The following TBC1D10C variants were observed in gnomAD, a reference collection of about 807,000 sequenced individuals.
The protein encoded by TBC1D10C is carabin.
In TBC1D10C, 49 loss-of-function variants were observed where a neutral mutation model predicts 51.0. The observed-to-expected ratio is 0.96, with a 90% CI of 0.76 to 1.22. The LOEUF is 1.22. TBC1D10C is among the 50% of genes most tolerant of loss of function. The pLI, the probability that TBC1D10C is intolerant of heterozygous loss-of-function variation, is 0.00. For synonymous variants in TBC1D10C, 281 were observed against 266.7 expected, an observed-to-expected ratio of 1.05 and a Z score of -0.52; for missense variants, 541 against 617.5, an observed-to-expected ratio of 0.88 and a Z score of 1.31.
chr11:67,407,138 G>A lies in TBC1D10C; in HGVS notation c.838+122G>A, dbSNP rs1010258298. ...CAGGACTGGGTGTGCCGAAGGTGAT[G>A]GCCTGGTGCCTGGCGCTACATCACC... On this transcript the variant is annotated intron_variant, in intron 7 of 8. Transcript: ENST00000542590. 5.1e-6 allele frequency: 6 copies of A among 1,182,180 alleles called. No homozygotes were observed. In the Admixed American group the frequency reaches 1.2e-4, roughly 24 times the overall value. 73.2% of individuals were successfully genotyped at this position (1,182,180 alleles called of 1,614,324 possible). A position where few individuals can be genotyped will look rare whatever the true frequency, so the allele number is the denominator to read the frequency against.
chr11:67,404,166 A>G lies in TBC1D10C; in HGVS notation c.-37A>G. On this transcript the variant is annotated 5_prime_UTR_variant, in exon 1 of 9. Transcript: ENST00000542590. ...GTGGCCCCTCACACTGGTTCTCCCCACTTTCTCTGCCTGTGGCATCGAAGG... is the reference window on the plus strand; with the variant it reads ...GTGGCCCCTCACACTGGTTCTCCCCGCTTTCTCTGCCTGTGGCATCGAAGG... The G allele has an allele frequency of 6.8e-7, 1 of 1,460,164 alleles. No individual in the cohort carries two copies. The highest frequency in any genetic ancestry group is 9.1e-7 in the Non-Finnish European group (1 of 1,103,146). 90.5% of individuals were successfully genotyped at this position (1,460,164 alleles called of 1,614,324 possible).
rs761046602 is a variant in TBC1D10C at position 67,406,883 on chromosome 11, G to A, written c.705G>A (p.Pro235=). 14 of 1,610,488 alleles carry A rather than the reference G, an allele frequency of 8.7e-6. No individual in the cohort carries two copies. Among genetic ancestry groups the A allele is most frequent in the African/African-American group, 4.0e-5 (3 of 74,902 alleles). Residue 235 remains proline, a synonymous_variant, in exon 7 of 9, where the codon CCG becomes CCA. Transcript: ENST00000542590. ...VFMALLRRLL[P]HVHKHLQQVG... is the part of the protein sequence containing the mutation. ...TGGCCCTGCTGCGGCGGCTGCTTCCGCACGTGCACAAGCACCTGCAGCAGG... is the reference window on the plus strand; with the variant it reads ...TGGCCCTGCTGCGGCGGCTGCTTCCACACGTGCACAAGCACCTGCAGCAGG...
chr11:67,409,346 C>T, intron 8 of TBC1D10C, 61 bp from the exon 9 acceptor site: 1 of 1,507,186 alleles, frequency 6.6e-7, no homozygotes, highest in Non-Finnish European at 8.9e-7. Flanking sequence ...GGCTGGGGAC[C>T]TCACAGTTTC....
At chr11:67,408,317 G>A (rs900041263) in intron 7 of TBC1D10C, 1 of 152,348 alleles carries the variant, frequency 6.6e-6, no homozygotes, top group African/African-American at 2.4e-5. Context: ...GGCTCCACCT[G>A]ACCTTTCATC....
chr11:67,404,819 CCT>C (rs1863074264), intron 1 of TBC1D10C: 1 of 465,772 alleles, frequency 2.1e-6, no homozygotes, highest in African/African-American at 2.0e-5. Context: ...TGTCTGTGTC[CCT>C]GTCCTGGGTG....
At position 67,405,113 on chromosome 11, in the gene TBC1D10C, C is replaced by A; in HGVS notation, c.181C>A (p.Arg61Ser). The change falls in exon 2 of 9, where the codon CGC becomes AGC. Residue 61 changes from arginine (R) to serine (S), a missense_variant. Physicochemically the swap from Arg to Ser is moderately radical, Grantham distance 110 (BLOSUM62 -1). Transcript: ENST00000542590. ...GPGHPPADLI[R>S]QREMKWVEMT... The stretch of plus-strand genomic sequence containing the variant: ...GGGCCACCCACCTGCAGACCTCATC[C>A]GCCAACGGGAGATGAAGTGGGTGGA... The A allele has an allele frequency of 6.4e-7, 1 of 1,551,408 alleles. No homozygotes were observed. The highest frequency in any genetic ancestry group is 8.7e-7 in the Non-Finnish European group (1 of 1,146,940).
In TBC1D10C at chr11:67,404,357, A is replaced by AAGGG; in HGVS notation, c.152+4_152+7dup. 6.4e-7 allele frequency: 1 copy of AAGGG among 1,570,106 alleles called. No homozygotes were observed. The highest frequency in any genetic ancestry group is 1.1e-5 in the South Asian group (1 of 88,866). ...GGGGGCAGCTCAGCAGAGCCAGGGT[A>AAGGG]AGGGGGCAGGGTGAGGGCTGGCGGA... On this transcript the variant is annotated splice_donor_region_variant and intron_variant, in intron 1 of 8. Transcript: ENST00000542590.
chr11:67,406,135 A>C (rs921870907), intron 5 of TBC1D10C, 118 bp downstream of exon 5: 18 of 852,130 alleles, frequency 2.1e-5, no homozygotes, highest in Non-Finnish European at 2.8e-5. Context: ...TGTCCTAGTG[A>C]CCCAGGTCCT....
In TBC1D10C at chr11:67,405,846, G is replaced by A. The variant is rs1293795755; in HGVS notation, c.468-57G>A. 4 of 1,547,772 alleles carry A rather than the reference G, an allele frequency of 2.6e-6. No homozygotes were observed. In the East Asian group the frequency reaches 7.2e-5, roughly 28 times the overall value. ...GCTGAGGCCTGGGCAGAGGCCCCCA[G>A]AGGGTGGAGAAGGGGGTGCCTGCAG... On this transcript the variant is annotated intron_variant, in intron 4 of 8. Transcript: ENST00000542590.
rs1362381093 is a variant in TBC1D10C at position 67,406,207 on chromosome 11, C to G, written c.582+190C>G. 12 of 551,026 alleles carry G rather than the reference C, an allele frequency of 2.2e-5. No homozygotes were observed. The East Asian group carries it at 2.4e-4, about 11-fold the overall frequency. The allele number at this position is 551,026 out of a possible 1,614,324, so 34.1% of individuals were successfully genotyped here. A position where few individuals can be genotyped will look rare whatever the true frequency, so the allele number is the denominator to read the frequency against. Reference sequence around the variant, plus strand: ...ACCTTGACTCCAGGAACCTGGGACCCTTGACCCCAGCCTTGACCCCAGTCA... The same window carrying G: ...ACCTTGACTCCAGGAACCTGGGACCGTTGACCCCAGCCTTGACCCCAGTCA... On this transcript the variant is annotated intron_variant, in intron 5 of 8. Coordinates refer to ENST00000542590, the MANE Select transcript of TBC1D10C (RefSeq NM_001369496.1).
At chr11:67,408,846 C>T (rs1485997113) in intron 7 of TBC1D10C, 133 bp from the exon 8 acceptor site, 2 of 1,225,170 alleles carry the variant, frequency 1.6e-6, no homozygotes, top group African/African-American at 3.2e-5. Context: ...CAACTCCACC[C>T]TCTGTCATTG....
intron 7 of TBC1D10C, 90 bp downstream of exon 7, chr11:67,407,106 C>G: frequency 1.1e-5 from 15 of 1,413,898 alleles, no homozygotes; most frequent in Non-Finnish European, 1.4e-5. Flanking sequence ...TTTTGAGCCT[C>G]AAATCACAGG....
intron 1 of TBC1D10C, 123 bp downstream of exon 1, chr11:67,404,477 G>C: frequency 9.5e-7 from 1 of 1,057,308 alleles, no homozygotes; most frequent in Non-Finnish European, 1.3e-6. Context: ...TCAGCCAGTA[G>C]CACCCCTCTG....
chr11:67,407,160 C>A, intron 7 of TBC1D10C, 144 bp downstream of exon 7: 1 of 927,442 alleles, frequency 1.1e-6, no homozygotes, highest in Non-Finnish European at 1.6e-6. Flanking sequence ...GGCGCTACAT[C>A]ACCCATCACC....
intron 1 of TBC1D10C, 78 bp downstream of exon 1, chr11:67,404,432 C>T (rs559436007): frequency 5.1e-5 from 72 of 1,411,644 alleles, no homozygotes; most frequent in Middle Eastern, 2.1e-4. Context: ...GGAGGGAGGC[C>T]GGGAGGGTCT....
chr11:67,406,571 T>G, intron 5 of TBC1D10C, 56 bp from the exon 6 acceptor site: 1 of 1,486,248 alleles, frequency 6.7e-7, no homozygotes, highest in African/African-American at 1.4e-5. Context: ...TGCCTTCTCC[T>G]CCACGGTCCC....
At chr11:67,409,362 C>A in intron 8 of TBC1D10C, 45 bp from the exon 9 acceptor site, 1 of 1,528,194 alleles carries the variant, frequency 6.5e-7, no homozygotes, top group South Asian at 1.2e-5. Context: ...GTTTCCTGTT[C>A]CTGCCTTGAG....
In TBC1D10C at chr11:67,409,036, C is replaced by T; in HGVS notation, c.896C>T (p.Ala299Val). The T allele has an allele frequency of 6.3e-7, 1 of 1,586,196 alleles. No homozygotes were observed. The highest frequency in any genetic ancestry group is 1.8e-5 in the Admixed American group (1 of 56,172). ...CTGGTGCGCCTGGCGCTGGGCACTGCAGAGCAGCGAGGGGCCTGCCCTGGC... is the reference window on the plus strand; with the variant it reads ...CTGGTGCGCCTGGCGCTGGGCACTGTAGAGCAGCGAGGGGCCTGCCCTGGC... ...LTLVRLALGT[A>V]EQRGACPGLL... is the part of the protein sequence containing the mutation. Residue 299 changes from alanine (A) to valine (V), a missense_variant, in exon 8 of 9, where the codon GCA becomes GTA. By Grantham distance (64) the Ala-to-Val change is moderately conservative. Coordinates refer to ENST00000542590, the MANE Select transcript of TBC1D10C (RefSeq NM_001369496.1).
intron 7 of TBC1D10C, chr11:67,407,291 G>A (rs1863214676): frequency 2.4e-6 from 1 of 419,028 alleles, no homozygotes; most frequent in Admixed American, 4.1e-5. Flanking sequence ...ACAGTAGGAG[G>A]CGTTCCTCCC....
Sources: allele counts gnomAD v4.1 joint callset, GRCh38; gene constraint gnomAD v4.1.1; transcripts MANE v1.5; gene names NCBI Gene and HGNC (gene_info 2026-07-23, HGNC 2026-07-21).